The following PNPLA3 variants were observed in gnomAD, a reference collection of about 807,000 sequenced individuals.
PNPLA3 encodes 1-acylglycerol-3-phosphate O-acyltransferase PNPLA3.
In PNPLA3, 42 loss-of-function variants were observed where a neutral mutation model predicts 43.1. The ratio of observed to expected loss-of-function variants is 0.97; its 90% CI spans 0.76 to 1.26. The LOEUF is 1.26. PNPLA3 is among the 50% of genes most tolerant of loss of function. The pLI is 0.00. For missense variants in PNPLA3, 647 were observed against 621.4 expected (o/e 1.04, Z -0.44); for synonymous variants, 272 against 253.6 (o/e 1.07, Z -0.69).
chr22:43,945,228 G>A (rs1002849759), intron 8 of PNPLA3, among the ~76,000 whole-genome samples: 7 of 152,200 alleles, frequency 4.6e-5, no homozygotes, highest in South Asian at 2.1e-4. Context: ...AGAGCTCCTC[G>A]GAGCGTGTGG....
Position 43,923,892 on chromosome 22 carries a change from C to G in PNPLA3, c.-20C>G. ...CCCGACCCAGATCCTAACCCGCGCCCCCGCCCCGCCGCCGCCGCCATGTAC... is the reference window on the plus strand; with the variant it reads ...CCCGACCCAGATCCTAACCCGCGCCGCCGCCCCGCCGCCGCCGCCATGTAC... On this transcript the variant is annotated 5_prime_UTR_variant, in exon 1 of 9. Coordinates refer to ENST00000216180, the MANE Select transcript of PNPLA3 (RefSeq NM_025225.3). 1.3e-6 allele frequency: 2 copies of G among 1,494,994 alleles called. No individual in the cohort carries two copies. Among genetic ancestry groups the G allele is most frequent in the South Asian group, 1.3e-5 (1 of 77,190 alleles). 92.6% of individuals were successfully genotyped at this position (1,494,994 alleles called of 1,614,324 possible).
At chr22:43,931,122 G>A (rs1033323945) in intron 3 of PNPLA3, among the ~76,000 whole-genome samples, 2 of 151,972 alleles carry the variant, frequency 1.3e-5, no homozygotes, top group African/African-American at 2.4e-5. Context: ...GCGAGACTCC[G>A]TCTCACAAAC....
At chr22:43,940,773 C>T (rs1236951062) in intron 7 of PNPLA3, among the ~76,000 whole-genome samples, 2 of 152,108 alleles carry the variant, frequency 1.3e-5, no homozygotes, top group Non-Finnish European at 2.9e-5. Context: ...TGTACCACTG[C>T]ACTCCAGCCT....
In PNPLA3 at chr22:43,946,467, T is replaced by C; in HGVS notation, c.*85T>C. The C allele has an allele frequency of 1.5e-6, 2 of 1,292,364 alleles. No homozygotes were observed. Among genetic ancestry groups the C allele is most frequent in the Middle Eastern group, 1.8e-4 (1 of 5,406 alleles). 80.1% of individuals were successfully genotyped at this position (1,292,364 alleles called of 1,614,324 possible). ...GTGCAGCTACCTCCGCATTGCTGTG[T>C]AGTGACCCCTGCCTGTGACGTGGAG... is the stretch of plus-strand genomic sequence containing the variant. On this transcript the variant is annotated 3_prime_UTR_variant, in exon 9 of 9. Transcript: ENST00000216180.
chr22:43,926,876 CA>C, intron 1 of PNPLA3, 58 bp from the exon 2 acceptor site: 1 of 1,496,674 alleles, frequency 6.7e-7, no homozygotes, highest in Non-Finnish European at 9.2e-7. Flanking sequence ...CTGGCCTTGC[CA>C]AAAGTATTAC....
Position 43,944,708 on chromosome 22 carries a change from C to G in PNPLA3, c.1130C>G (p.Pro377Arg). ...AIVQRLVTWLPDMPDDVLWLQ... is the reference protein window; with the variant it reads ...AIVQRLVTWLRDMPDDVLWLQ... ...CTCTGCAGACTGGTGACATGGCTTC[C>G]AGATATGCCCGACGATGTCCTGTGG... is the stretch of plus-strand genomic sequence containing the variant. Residue 377 changes from proline to arginine, a missense_variant, in exon 8 of 9, where the codon CCA (proline) becomes CGA (arginine). Physicochemically the swap from Pro to Arg is moderately radical, Grantham distance 103 (BLOSUM62 -2). Coordinates refer to ENST00000216180, the MANE Select transcript of PNPLA3 (RefSeq NM_025225.3). 1.2e-6 allele frequency: 2 copies of G among 1,614,202 alleles called. No individual in the cohort carries two copies. Among genetic ancestry groups the G allele is most frequent in the Non-Finnish European group, 1.7e-6 (2 of 1,180,026 alleles).
At chr22:43,933,440 G>T (rs1159250170) in intron 4 of PNPLA3, among the ~76,000 whole-genome samples, 2 of 152,142 alleles carry the variant, frequency 1.3e-5, no homozygotes, top group African/African-American at 4.8e-5. Context: ...AGGCTGGAGT[G>T]CAGTGGTGCA....
At chr22:43,924,120 G>A (rs754202963) in intron 1 of PNPLA3, 22 bp downstream of exon 1, 3 of 1,513,206 alleles carry the variant, frequency 2.0e-6, no homozygotes, top group Non-Finnish European at 1.8e-6. Flanking sequence ...GACGCTGCCC[G>A]GGCTCCACGT....
At chr22:43,928,959 G>T in intron 3 of PNPLA3, 70 bp downstream of exon 3, 2 of 1,468,084 alleles carry the variant, frequency 1.4e-6, no homozygotes, top group Non-Finnish European at 1.9e-6. Context: ...TCTCCTGCCT[G>T]CAGGGCACTG....
intron 4 of PNPLA3, among the ~76,000 whole-genome samples, chr22:43,933,288 C>A (rs151259379): frequency 6.6e-6 from 1 of 152,148 alleles, no homozygotes; most frequent in East Asian, 1.9e-4. Context: ...GAACATATAC[C>A]CAGACCTAAA....
At chr22:43,935,779 G>C (rs1009308995) in intron 5 of PNPLA3, among the ~76,000 whole-genome samples, 2 of 152,120 alleles carry the variant, frequency 1.3e-5, no homozygotes, top group East Asian at 3.9e-4. Context: ...GGCAGGCTGG[G>C]CCTTTTGGAT....
intron 1 of PNPLA3, 105 bp downstream of exon 1, chr22:43,924,203 C>T (rs2049906180): frequency 1.6e-6 from 2 of 1,255,988 alleles, no homozygotes; most frequent in Non-Finnish European, 2.1e-6. Context: ...GAGCGGGCAT[C>T]GGACGCGGAC....
chr22:43,932,195 A>G (rs9306471), intron 3 of PNPLA3, among the ~76,000 whole-genome samples: 6,563 of 152,252 alleles, frequency 0.043, 186 homozygotes, highest in Middle Eastern at 0.079. Context: ...CAGCCGAGCT[A>G]TGGGCAATAA....
chr22:43,944,061 C>T (rs2050047766), intron 7 of PNPLA3, among the ~76,000 whole-genome samples: 1 of 152,176 alleles, frequency 6.6e-6, no homozygotes, highest in African/African-American at 2.4e-5. Flanking sequence ...GCTGGGATTA[C>T]AGGTGTGAGC....
In PNPLA3 at chr22:43,927,076, T is replaced by A; in HGVS notation, c.329T>A (p.Ile110Asn). 6.2e-7 allele frequency: 1 copy of A among 1,614,220 alleles called. No homozygotes were observed. The highest frequency in any genetic ancestry group is 8.5e-7 in the Non-Finnish European group (1 of 1,180,040). The change falls in exon 2 of 9, where the codon ATC (isoleucine) becomes AAC (asparagine). Residue 110 changes from isoleucine to asparagine, a missense_variant. Ile to Asn is a moderately radical substitution (Grantham distance 149). Coordinates refer to ENST00000216180, the MANE Select transcript of PNPLA3 (RefSeq NM_025225.3). Reference sequence around the variant, plus strand: ...CTCCCGGCCAATGTCCACCAGCTCATCTCCGGCAAAATAGGCATCTCTCTT... The same window carrying A: ...CTCCCGGCCAATGTCCACCAGCTCAACTCCGGCAAAATAGGCATCTCTCTT... ...KCLPANVHQLISGKIGISLTR... is the reference protein window; with the variant it reads ...KCLPANVHQLNSGKIGISLTR...
intron 3 of PNPLA3, among the ~76,000 whole-genome samples, chr22:43,931,948 G>T (rs1162638954): frequency 5.9e-5 from 9 of 152,292 alleles, no homozygotes; most frequent in Admixed American, 5.9e-4. Context: ...AGGTGTGGCT[G>T]AACATGTCTG....
intron 5 of PNPLA3, among the ~76,000 whole-genome samples, chr22:43,935,954 G>C (rs2049992905): frequency 6.6e-6 from 1 of 152,188 alleles, no homozygotes; most frequent in African/African-American, 2.4e-5. Flanking sequence ...CCAGGATCAG[G>C]GCTGCGAGGG....
chr22:43,927,056 G>A lies in PNPLA3; in HGVS notation c.309G>A (p.Pro103=), dbSNP rs79118505. The change falls in exon 2 of 9, where the codon CCG becomes CCA. Residue 103 remains proline (P), a synonymous_variant. Transcript: ENST00000216180. ...GACAGGGTCTCTGCAAATGCCTCCC[G>A]GCCAATGTCCACCAGCTCATCTCCG... ...FLRQGLCKCL[P]ANVHQLISGK... is the part of the protein sequence containing the mutation. 7.2e-4 allele frequency: 1,169 copies of A among 1,614,182 alleles called. 6 individuals carry two copies. The African/African-American group carries it at 0.012, about 17-fold the overall frequency.
At chr22:43,934,528 T>C in intron 4 of PNPLA3, 78 bp from the exon 5 acceptor site, 4 of 1,407,218 alleles carry the variant, frequency 2.8e-6, no homozygotes, top group Non-Finnish European at 4.0e-6. Flanking sequence ...TGGTGCTCTC[T>C]GCGGTCTTCC....
Sources: gnomAD v4.1 joint callset for allele counts (sites outside exome capture counted in the v4.1 genomes callset) on GRCh38, gnomAD v4.1.1 for gene constraint, MANE v1.5 for transcripts, NCBI Gene and HGNC (gene_info 2026-07-23, HGNC 2026-07-21) for gene names.